Variants in KIN observed in about 807,000 individuals in gnomAD.
KIN encodes the protein DNA/RNA-binding protein KIN17.
A neutral mutation model predicts 63.0 loss-of-function variants in KIN; 47 were observed. The ratio of observed to expected loss-of-function variants is 0.75; its 90% CI spans 0.59 to 0.95. The LOEUF (loss-of-function observed/expected upper bound fraction) is 0.95. KIN is among the 40% of genes least tolerant of loss of function. KIN has a pLI of 0.00. For missense variants in KIN, 408 were observed against 460.9 expected, an observed-to-expected ratio of 0.89 and a Z score of 1.05; for synonymous variants, 160 against 157.7, an observed-to-expected ratio of 1.01 and a Z score of -0.11.
rs748247172 is a variant in KIN, at chr10:7,787,963, C to T, written c.-30G>A. The T allele has an allele frequency of 2.0e-6, 3 of 1,531,830 alleles. No individual in the cohort carries two copies. Among genetic ancestry groups the T allele is most frequent in the Non-Finnish European group, 2.7e-6 (3 of 1,105,186 alleles). The allele number at this position is 1,531,830 out of a possible 1,614,324, so 94.9% of individuals were successfully genotyped here. A position where few individuals can be genotyped will look rare whatever the true frequency, so the allele number is the denominator to read the frequency against. ...ACCACGGCAGCGATCACTTTCTGGA[C>T]CCCAGTACTCAGCCAGCCGGAAACG... On this transcript the variant is annotated 5_prime_UTR_variant, in exon 1 of 13. Transcript: ENST00000379562.
chr10:7,763,970 T>C (rs1043596243), intron 9 of KIN, among the ~76,000 whole-genome samples, 179 bp from the exon 10 acceptor site: 26 of 152,234 alleles, frequency 1.7e-4, no homozygotes, highest in Admixed American at 3.3e-4. Context: ...AGCAATCTTT[T>C]ATTCCTTCTT....
rs534471436 is a variant in KIN, at chr10:7,778,144, G to C, written c.558+694C>G. Among the ~76,000 whole-genome samples the C allele has an allele frequency of 3.3e-5, 5 of 152,182 alleles. No homozygotes were observed. The South Asian group carries it at 1.0e-3, about 32-fold the overall frequency. The stretch of plus-strand genomic sequence containing the variant: ...GGTTGTATCCACCCTCAAATACTCT[G>C]TCCTCCCCAGGCCAGAGTAAACATT... On this transcript the variant is annotated intron_variant, in intron 5 of 12. Transcript: ENST00000379562.
Position 7,775,814 on chromosome 10 carries a change from G to C in KIN, c.559-15C>G, listed in dbSNP as rs1394566874. 1 of 1,520,238 alleles carries C rather than the reference G, an allele frequency of 6.6e-7. No individual in the cohort carries two copies. Among genetic ancestry groups the C allele is most frequent in the African/African-American group, 1.4e-5 (1 of 71,344 alleles). 94.2% of individuals were successfully genotyped at this position (1,520,238 alleles called of 1,614,324 possible). On this transcript the variant is annotated splice_polypyrimidine_tract_variant and intron_variant, in intron 5 of 12. Transcript: ENST00000379562. ...GTAGGGACCTCCTAAAAAAAAGAAA[G>C]TTTTAAGGTTTTGGTGTACATTGCA...
chr10:7,776,082 T>C (rs1359771402), intron 5 of KIN, among the ~76,000 whole-genome samples: 3 of 151,242 alleles, frequency 2.0e-5, no homozygotes, highest in Non-Finnish European at 4.4e-5. Context: ...CACAAAAAAT[T>C]AGCCGAGCAT....
chr10:7,782,335 A>G (rs1284607638), intron 2 of KIN, among the ~76,000 whole-genome samples: 2 of 152,022 alleles, frequency 1.3e-5, no homozygotes, highest in African/African-American at 4.8e-5. Flanking sequence ...GTGTTAATTC[A>G]TTGACCTTCA....
In KIN at chr10:7,753,880, T is replaced by A. The variant is rs1835281023; in HGVS notation, c.*2200A>T. 1 of 322,642 alleles carries A rather than the reference T, an allele frequency of 3.1e-6. No individual in the cohort carries two copies. The highest frequency in any genetic ancestry group is 6.3e-6 in the Non-Finnish European group (1 of 159,106). The allele number at this position is 322,642 out of a possible 1,614,324, so 20.0% of individuals were successfully genotyped here. A position where few individuals can be genotyped will look rare whatever the true frequency, so the allele number is the denominator to read the frequency against. ...GCTAACAGCATACGTTCTCCCATCT[T>A]CTGAGAATAGAAGCAATCAGCCCTC... On this transcript the variant is annotated 3_prime_UTR_variant, in exon 13 of 13. Transcript: ENST00000379562.
intron 7 of KIN, among the ~76,000 whole-genome samples, chr10:7,770,200 G>T (rs1196844696): frequency 6.6e-6 from 1 of 152,126 alleles, no homozygotes; most frequent in African/African-American, 2.4e-5. Flanking sequence ...CAAAGTGCTG[G>T]GATTACAGGC....
intron 8 of KIN, among the ~76,000 whole-genome samples, chr10:7,768,166 T>C (rs1202895971): frequency 5.3e-5 from 8 of 152,154 alleles, no homozygotes; most frequent in African/African-American, 1.9e-4. Context: ...ATATGGATAA[T>C]CATGTACTTC....
In KIN at chr10:7,754,009, G is replaced by C; in HGVS notation, c.*2071C>G. Reference sequence around the variant, plus strand: ...TGTTTGAAGTGATCATCCTGGTATGGTCTGTTTTTTGTTTGAACTCTTGTA... The same window carrying C: ...TGTTTGAAGTGATCATCCTGGTATGCTCTGTTTTTTGTTTGAACTCTTGTA... On this transcript the variant is annotated 3_prime_UTR_variant, in exon 13 of 13. Coordinates refer to ENST00000379562, the MANE Select transcript of KIN (RefSeq NM_012311.4). The C allele has an allele frequency of 2.2e-6, 1 of 455,924 alleles. No homozygotes were observed. Among genetic ancestry groups the C allele is most frequent in the Admixed American group, 2.4e-5 (1 of 42,542 alleles). 28.2% of individuals were successfully genotyped at this position (455,924 alleles called of 1,614,324 possible).
chr10:7,781,681 G>A (rs1482249591), intron 2 of KIN, among the ~76,000 whole-genome samples: 1 of 147,390 alleles, frequency 6.8e-6, no homozygotes, highest in East Asian at 2.0e-4. Flanking sequence ...GCTGAAGCAG[G>A]AGGATCGCCT....
rs1432400329 is a variant in KIN at position 7,751,784 on chromosome 10, CT to C, written c.*4295del. ...ATTAACTCTGTTATTTGGTTAAAAT[CT>C]TGAATTTAAAACTTCTACCTGCAGA... On this transcript the variant is annotated 3_prime_UTR_variant, in exon 13 of 13. Coordinates refer to ENST00000379562, the MANE Select transcript of KIN (RefSeq NM_012311.4). 6.0e-5 allele frequency: 9 copies of C among 150,968 alleles called. No homozygotes were observed. Among genetic ancestry groups the C allele is most frequent in the Non-Finnish European group, 1.2e-4 (8 of 67,938 alleles). The allele number at this position is 150,968 out of a possible 1,614,324, so 9.4% of individuals were successfully genotyped here.
intron 1 of KIN, 83 bp downstream of exon 1, chr10:7,787,737 C>T: frequency 3.7e-6 from 4 of 1,080,450 alleles, no homozygotes; most frequent in Non-Finnish European, 5.7e-6. Flanking sequence ...CCCAGCCCCG[C>T]GCCCTCAGCC....
Position 7,780,081 on chromosome 10 carries a change from A to G in KIN, c.351T>C (p.Asp117=), listed in dbSNP as rs61750338. ...MNATQWETLT[D]FTKWLGREGL... The stretch of plus-strand genomic sequence containing the variant: ...CTTCTCTGCCCAGCCACTTAGTAAA[A>G]TCAGTCAGAGTTTCCCACTGAGTGG... Residue 117 remains aspartate, a synonymous_variant, in exon 4 of 13, where the codon GAT becomes GAC. Coordinates refer to ENST00000379562, the MANE Select transcript of KIN (RefSeq NM_012311.4). 396 of 1,611,834 alleles carry G rather than the reference A, an allele frequency of 2.5e-4. No homozygotes were observed. Among genetic ancestry groups the G allele is most frequent in the Non-Finnish European group, 3.1e-4 (370 of 1,179,194 alleles).
intron 5 of KIN, among the ~76,000 whole-genome samples, chr10:7,777,073 A>T (rs201547139): frequency 6.6e-6 from 1 of 151,254 alleles, no homozygotes; most frequent in Non-Finnish European, 1.5e-5. Flanking sequence ...AAAAAAAAAA[A>T]AAAATAGAAC....
intron 5 of KIN, among the ~76,000 whole-genome samples, chr10:7,777,899 C>T (rs1835812445): frequency 6.6e-6 from 1 of 150,874 alleles, no homozygotes; most frequent in Admixed American, 6.6e-5. Flanking sequence ...ACTCCGTCCC[C>T]CCCCCAAAAA....
intron 12 of KIN, among the ~76,000 whole-genome samples, chr10:7,758,168 G>A (rs1026239514): frequency 1.3e-5 from 2 of 151,776 alleles, no homozygotes; most frequent in African/African-American, 4.8e-5. Context: ...TGCCTCCCAG[G>A]TTCAAGCGAT....
Position 7,757,222 on chromosome 10 carries a change from G to A in KIN, c.1120-1080C>T, listed in dbSNP as rs372442986. ...TTGTTTAAAATTTGAGAGTTGGGTC[G>A]GGCGCAGTGCTCACATCTGTAATCC... On this transcript the variant is annotated intron_variant, in intron 12 of 12. Transcript: ENST00000379562. Among the ~76,000 whole-genome samples the A allele has an allele frequency of 3.6e-4, 55 of 152,170 alleles. No homozygotes were observed. The East Asian group carries it at 6.4e-3, about 18-fold the overall frequency.
chr10:7,780,865 A>G (rs943468119), intron 2 of KIN, among the ~76,000 whole-genome samples: 2 of 152,248 alleles, frequency 1.3e-5, no homozygotes, highest in African/African-American at 4.8e-5. Flanking sequence ...TAAAGCAGTC[A>G]TAGAAACAGT....
At position 7,780,269 on chromosome 10, in the gene KIN, C is replaced by T. The variant is rs897969875; in HGVS notation, c.248G>A (p.Arg83His). 1.9e-6 allele frequency: 3 copies of T among 1,608,758 alleles called. No individual in the cohort carries two copies. Among genetic ancestry groups the T allele is most frequent in the East Asian group, 2.2e-5 (1 of 44,820 alleles). Residue 83 changes from arginine (R) to histidine (H), a missense_variant, in exon 3 of 13, where the codon CGC becomes CAC. Transcript: ENST00000379562. ...RNDFLELLRR[R>H]FGTKRVHNNI... is the part of the protein sequence containing the mutation. ...ACAATATTTAAAATGTTTACCAAAG[C>T]GTCTCCTGAGAAGTTCTAGAAAGTC...
Sources: gnomAD v4.1 joint callset for allele counts (sites outside exome capture counted in the v4.1 genomes callset) on GRCh38, gnomAD v4.1.1 for gene constraint, MANE v1.5 for transcripts, NCBI Gene and HGNC (gene_info 2026-07-23, HGNC 2026-07-21) for gene names.